The following CSMD1 variants were observed in gnomAD, a reference collection of about 807,000 sequenced individuals.
CSMD1 encodes CUB and sushi domain-containing protein 1.
Under a neutral mutation model 417.5 loss-of-function variants are expected in CSMD1, and 213 were observed. That is an observed-to-expected ratio of 0.51 (90% confidence interval 0.46 to 0.57). The LOEUF is 0.57. CSMD1 is among the 20% of genes least tolerant of loss of function. CSMD1 has a pLI of 0.00. For missense variants in CSMD1, 6,923 were observed against 4,529.7 expected (o/e 1.53, Z -15.17); for synonymous variants, 2,862 against 1,736.8 (o/e 1.65, Z -16.11).
chr8:4,673,661 A>G (rs953143840), intron 1 of CSMD1, among the ~76,000 whole-genome samples: 1 of 151,904 alleles, frequency 6.6e-6, no homozygotes, highest in African/African-American at 2.4e-5. Context: ...ATTTACATCA[A>G]CTCTGCTAAT....
chr8:4,313,237 A>C, intron 3 of CSMD1, among the ~76,000 whole-genome samples: 1 of 152,254 alleles, frequency 6.6e-6, no homozygotes, highest in East Asian at 1.9e-4. Context: ...GAAAAAACCT[A>C]GTTGGCTAAA....
chr8:3,113,618 T>C (rs1374492423), intron 42 of CSMD1, among the ~76,000 whole-genome samples: 2 of 152,224 alleles, frequency 1.3e-5, no homozygotes, highest in African/African-American at 4.8e-5. Context: ...CGCCACTCTC[T>C]ATCATTGCCT....
intron 3 of CSMD1, among the ~76,000 whole-genome samples, chr8:4,372,013 T>G (rs982898807): frequency 2.0e-5 from 3 of 152,100 alleles, no homozygotes; most frequent in Non-Finnish European, 4.4e-5. Context: ...GTTCAAAGGT[T>G]CAGCACGATA....
At chr8:4,046,537 A>C (rs920025257) in intron 3 of CSMD1, among the ~76,000 whole-genome samples, 2 of 152,188 alleles carry the variant, frequency 1.3e-5, no homozygotes, top group African/African-American at 4.8e-5. Flanking sequence ...TCATGTATTC[A>C]ACTCTGTACA....
intron 3 of CSMD1, among the ~76,000 whole-genome samples, chr8:4,189,720 T>TC (rs1798901258): frequency 1.3e-5 from 2 of 152,172 alleles, no homozygotes; most frequent in Non-Finnish European, 2.9e-5. Flanking sequence ...ATTTGTATTC[T>TC]AATTAATACT....
intron 1 of CSMD1, among the ~76,000 whole-genome samples, chr8:4,849,702 G>C (rs1162629914): frequency 2.0e-5 from 3 of 152,126 alleles, no homozygotes; most frequent in Non-Finnish European, 2.9e-5. Context: ...GTACAGATTT[G>C]AAGCTTAGGG....
chr8:3,121,507 G>A (rs1297885780), intron 41 of CSMD1, among the ~76,000 whole-genome samples: 1 of 152,136 alleles, frequency 6.6e-6, no homozygotes, highest in African/African-American at 2.4e-5. Flanking sequence ...CGGGAGAGGA[G>A]GAAACTTCAC....
At chr8:4,205,297 A>C (rs10503240) in intron 3 of CSMD1, among the ~76,000 whole-genome samples, 13,059 of 152,242 alleles carry the variant, frequency 0.086, 785 homozygotes, top group African/African-American at 0.16. Context: ...TTCCTTGAAA[A>C]AGATTATTGT....
intron 3 of CSMD1, among the ~76,000 whole-genome samples, chr8:4,348,063 C>A (rs1800875672): frequency 1.3e-5 from 2 of 152,086 alleles, no homozygotes; most frequent in Admixed American, 6.6e-5. Flanking sequence ...CCAAAATACA[C>A]CAGGCAAAAA....
At chr8:3,552,100 G>C (rs990207511) in intron 10 of CSMD1, among the ~76,000 whole-genome samples, 2 of 152,190 alleles carry the variant, frequency 1.3e-5, no homozygotes, top group African/African-American at 2.4e-5. Flanking sequence ...TGAACAATGA[G>C]AGGAAAAAAT....
intron 2 of CSMD1, among the ~76,000 whole-genome samples, chr8:4,461,833 G>A (rs544209903): frequency 2.0e-5 from 3 of 148,798 alleles, no homozygotes; most frequent in Non-Finnish European, 4.4e-5. Flanking sequence ...CTCCACCTAC[G>A]GGGTTCCCGC....
intron 5 of CSMD1, among the ~76,000 whole-genome samples, chr8:3,856,403 G>C (rs1029883005): frequency 6.6e-6 from 1 of 152,106 alleles, no homozygotes; most frequent in African/African-American, 2.4e-5. Context: ...AAATTACCCA[G>C]TTTCTGCTAC....
intron 3 of CSMD1, among the ~76,000 whole-genome samples, chr8:4,080,990 C>T (rs527853413): frequency 8.5e-5 from 13 of 152,262 alleles, no homozygotes; most frequent in African/African-American, 3.1e-4. Flanking sequence ...AGAGGCTTCA[C>T]ACAGTATTCA....
chr8:3,492,504 T>C (rs1313760943), intron 11 of CSMD1, among the ~76,000 whole-genome samples: 2 of 152,204 alleles, frequency 1.3e-5, no homozygotes, highest in Non-Finnish European at 2.9e-5. Context: ...ATCTACAACA[T>C]GAAGAGAAGC....
At chr8:4,462,608 G>A (rs1035687866) in intron 2 of CSMD1, among the ~76,000 whole-genome samples, 1 of 152,108 alleles carries the variant, frequency 6.6e-6, no homozygotes, top group Admixed American at 6.5e-5. Context: ...AAACCGCATT[G>A]ATCATGATTC....
chr8:3,162,566 T>C (rs1226268144), intron 37 of CSMD1, among the ~76,000 whole-genome samples: 5 of 152,172 alleles, frequency 3.3e-5, no homozygotes, highest in East Asian at 1.9e-4. Flanking sequence ...CCAACTTCAA[T>C]ATATACATAT....
intron 3 of CSMD1, among the ~76,000 whole-genome samples, chr8:4,395,410 A>G (rs539641111): frequency 6.6e-6 from 1 of 151,510 alleles, no homozygotes; most frequent in South Asian, 2.1e-4. Context: ...CAGAAGCGCT[A>G]AAGAATCATA....
intron 5 of CSMD1, among the ~76,000 whole-genome samples, chr8:3,781,062 T>C (rs945254933): frequency 5.3e-5 from 8 of 152,118 alleles, no homozygotes; most frequent in African/African-American, 1.7e-4. Context: ...AAGCAGCAAA[T>C]AGTTGAAAGC....
chr8:3,797,210 A>G (rs1355087098), intron 5 of CSMD1, among the ~76,000 whole-genome samples: 1 of 151,936 alleles, frequency 6.6e-6, no homozygotes, highest in African/African-American at 2.4e-5. Flanking sequence ...AATCTGAAAT[A>G]TCAAAGAACT....
Sources: allele counts gnomAD v4.1 joint callset (sites outside exome capture counted in the v4.1 genomes callset), GRCh38; gene constraint gnomAD v4.1.1; transcripts MANE v1.5; gene names NCBI Gene and HGNC (gene_info 2026-07-23, HGNC 2026-07-21).